The following PLOD2 variants were observed in gnomAD, a reference collection of about 807,000 sequenced individuals.
PLOD2 encodes the protein lysine hydroxylase 2.
PLOD2 carries 65 observed loss-of-function variants against 101.0 expected under a neutral mutation model. The observed-to-expected ratio is 0.64, with a 90% CI of 0.53 to 0.79. PLOD2 has a LOEUF of 0.79. Ranked by LOEUF, PLOD2 falls within the 30% of genes least tolerant of loss-of-function variation. PLOD2 has a pLI of 0.00. For missense variants in PLOD2, 909 were observed against 914.6 expected, an observed-to-expected ratio of 0.99 and a Z score of 0.08; for synonymous variants, 314 against 302.9, an observed-to-expected ratio of 1.04 and a Z score of -0.38.
chr3:146,149,343 T>A (rs1272025317), intron 1 of PLOD2, among the ~76,000 whole-genome samples: 2 of 152,172 alleles, frequency 1.3e-5, no homozygotes. Context: ...AGAATTTAAA[T>A]CTGGTTATAG....
At chr3:146,150,617 T>C (rs1205377485) in intron 1 of PLOD2, among the ~76,000 whole-genome samples, 3 of 152,188 alleles carry the variant, frequency 2.0e-5, no homozygotes, top group Admixed American at 6.5e-5. Flanking sequence ...AGAAGATAAC[T>C]ACTGAGTACT....
chr3:146,094,387 CCT>C (rs1456373158), intron 7 of PLOD2, among the ~76,000 whole-genome samples: 9 of 94,902 alleles, frequency 9.5e-5, no homozygotes, highest in African/African-American at 1.6e-4. Flanking sequence ...TAGCTCTTCC[CCT>C]GTTTATCTTT....
Position 146,110,737 on chromosome 3 carries a change from G to A in PLOD2, c.339-289C>T, listed in dbSNP as rs7626859. On this transcript the variant is annotated intron_variant, in intron 3 of 19. Transcript: ENST00000282903. ...TCACTTATTCCCAAATTGAAATTCTGAAACAGCATTAAAATGTTAGAAATA... is the reference window on the plus strand; with the variant it reads ...TCACTTATTCCCAAATTGAAATTCTAAAACAGCATTAAAATGTTAGAAATA... Among the ~76,000 whole-genome samples, 150,738 of 152,302 alleles carry A rather than the reference G, an allele frequency of 0.99. 74,596 individuals carry two copies. Among genetic ancestry groups the A allele is most frequent in the Non-Finnish European group, 0.99 (67,583 of 68,024 alleles).
chr3:146,082,736 C>A (rs954982614), intron 11 of PLOD2, among the ~76,000 whole-genome samples: 1 of 151,718 alleles, frequency 6.6e-6, no homozygotes, highest in Non-Finnish European at 1.5e-5. Flanking sequence ...ACTAATAATA[C>A]CAAAAAAAGT....
intron 7 of PLOD2, among the ~76,000 whole-genome samples, chr3:146,096,784 C>T (rs1394697435): frequency 6.7e-6 from 1 of 148,978 alleles, no homozygotes; most frequent in Non-Finnish European, 1.5e-5. Flanking sequence ...CAGCCAGCCA[C>T]CCCGTCCGGG....
chr3:146,155,996 T>C (rs2032289340), intron 1 of PLOD2, among the ~76,000 whole-genome samples: 1 of 152,204 alleles, frequency 6.6e-6, no homozygotes, highest in African/African-American at 2.4e-5. Context: ...ACTCAAGCTC[T>C]GAAGAAGAAA....
chr3:146,124,095 G>A (rs1438155436), intron 2 of PLOD2, 43 bp downstream of exon 2: 3 of 977,164 alleles, frequency 3.1e-6, no homozygotes. Flanking sequence ...CATACTTTAG[G>A]CACACATTAT....
chr3:146,124,004 A>G, intron 2 of PLOD2, 134 bp downstream of exon 2: 2 of 644,080 alleles, frequency 3.1e-6, no homozygotes, highest in Non-Finnish European at 5.6e-6. Context: ...AAAGCCAAAA[A>G]CTACATGAAC....
chr3:146,090,906 G>GA (rs544511295), intron 8 of PLOD2, among the ~76,000 whole-genome samples: 5 of 151,822 alleles, frequency 3.3e-5, no homozygotes, highest in African/African-American at 1.2e-4. Flanking sequence ...GTGAATGAAG[G>GA]AAAAAATCAG....
chr3:146,075,641 T>A (rs1418815901), intron 15 of PLOD2, among the ~76,000 whole-genome samples: 2 of 151,732 alleles, frequency 1.3e-5, no homozygotes, highest in East Asian at 1.9e-4. Context: ...AAAATAATTT[T>A]AAAAAATGTA....
At chr3:146,101,447 G>A (rs1004368186) in intron 7 of PLOD2, among the ~76,000 whole-genome samples, 6 of 152,180 alleles carry the variant, frequency 3.9e-5, no homozygotes, top group African/African-American at 1.4e-4. Flanking sequence ...GCAGAGCATC[G>A]TGGAAGCAAA....
At chr3:146,141,984 G>T (rs1300759203) in intron 1 of PLOD2, among the ~76,000 whole-genome samples, 2 of 152,080 alleles carry the variant, frequency 1.3e-5, no homozygotes, top group African/African-American at 4.8e-5. Flanking sequence ...TGTAACAGGG[G>T]AATGGGATTC....
chr3:146,091,353 A>C (rs1193925055), intron 8 of PLOD2, among the ~76,000 whole-genome samples: 1 of 151,912 alleles, frequency 6.6e-6, no homozygotes, highest in East Asian at 1.9e-4. Flanking sequence ...GAGTTTTGTG[A>C]AGTTTAAATG....
chr3:146,111,726 A>AG (rs1449489313), intron 3 of PLOD2, among the ~76,000 whole-genome samples: 1 of 151,962 alleles, frequency 6.6e-6, no homozygotes, highest in Admixed American at 6.6e-5. Context: ...TTTATTAAAA[A>AG]AAAAACTGAT....
At chr3:146,157,378 TTAAAAA>T (rs1363882280) in intron 1 of PLOD2, among the ~76,000 whole-genome samples, 1 of 152,056 alleles carries the variant, frequency 6.6e-6, no homozygotes, top group Non-Finnish European at 1.5e-5. Context: ...CATTAAGAAG[TTAAAAA>T]TAAAAAGAAC....
chr3:146,118,459 T>G (rs1201939292), intron 3 of PLOD2, among the ~76,000 whole-genome samples: 1 of 138,992 alleles, frequency 7.2e-6, no homozygotes, highest in Non-Finnish European at 1.6e-5. Flanking sequence ...TTATTTATAC[T>G]AATGCATAAA....
intron 7 of PLOD2, among the ~76,000 whole-genome samples, chr3:146,100,162 T>C (rs1354190753): frequency 6.6e-6 from 1 of 152,176 alleles, no homozygotes; most frequent in East Asian, 1.9e-4. Context: ...ATTACAGGTG[T>C]GAGCCACCAT....
chr3:146,083,577 CTTTTTT>C (rs869301001), intron 11 of PLOD2, among the ~76,000 whole-genome samples: 11,821 of 75,406 alleles, frequency 0.16, 572 homozygotes, highest in South Asian at 0.23. Context: ...AAGTCTTTTT[CTTTTTT>C]TTTTTTTTTT....
At chr3:146,126,667 T>G (rs1287980104) in intron 1 of PLOD2, among the ~76,000 whole-genome samples, 1 of 152,130 alleles carries the variant, frequency 6.6e-6, no homozygotes, top group Non-Finnish European at 1.5e-5. Flanking sequence ...AAGAGACATT[T>G]CAAACAAATG....
Sources: allele counts gnomAD v4.1 joint callset (sites outside exome capture counted in the v4.1 genomes callset), GRCh38; gene constraint gnomAD v4.1.1; transcripts MANE v1.5; gene names NCBI Gene and HGNC (gene_info 2026-07-23, HGNC 2026-07-21).